Variants in DDA1 observed in about 807,000 individuals in gnomAD.
The protein encoded by DDA1 is DET1- and DDB1-associated protein 1.
Under a neutral mutation model 18.6 loss-of-function variants are expected in DDA1, and 3 were observed. The ratio of observed to expected loss-of-function variants is 0.16; its 90% confidence interval spans 0.07 to 0.42. The LOEUF is 0.42. DDA1 is among the 10% of genes least tolerant of loss of function. The pLI is 0.99. For missense variants in DDA1, 105 were observed against 138.2 expected (o/e 0.76, Z 1.20); for synonymous variants, 52 against 54.0 (o/e 0.96, Z 0.17).
At chr19:17,315,412 G>T (rs2074207221) in intron 3 of DDA1, among the ~76,000 whole-genome samples, 1 of 65,652 alleles carries the variant, frequency 1.5e-5, no homozygotes, top group African/African-American at 8.7e-5. Flanking sequence ...ATACATACGT[G>T]TGTGTGTGTG....
At position 17,322,918 on chromosome 19, in the gene DDA1, T is replaced by C. The variant is rs927353436; in HGVS notation, c.*3262T>C. ...TCTTGCAAACCACCGCGCTGTCCTC[T>C]TTGAGAAGGAGTCTTACTCAGGACT... On this transcript the variant is annotated 3_prime_UTR_variant, in exon 5 of 5. Coordinates refer to ENST00000359866, the MANE Select transcript of DDA1 (RefSeq NM_024050.6). 2 of 152,256 alleles carry C rather than the reference T, an allele frequency of 1.3e-5. No individual in the cohort carries two copies. Among genetic ancestry groups the C allele is most frequent in the Non-Finnish European group, 2.9e-5 (2 of 68,054 alleles). The allele number at this position is 152,256 out of a possible 1,614,324, so 9.4% of individuals were successfully genotyped here. A position where few individuals can be genotyped will look rare whatever the true frequency, so the allele number is the denominator to read the frequency against.
In DDA1 at chr19:17,314,182, G is replaced by T; in HGVS notation, c.84+79G>T. The T allele has an allele frequency of 6.4e-7, 1 of 1,572,948 alleles. No homozygotes were observed. Reference sequence around the variant, plus strand: ...GGGCAGCTTGTGTCCCCCGATTGGGGTCTTGGCTGGAACAGAGGCTGATCT... The same window carrying T: ...GGGCAGCTTGTGTCCCCCGATTGGGTTCTTGGCTGGAACAGAGGCTGATCT... On this transcript the variant is annotated intron_variant, in intron 2 of 4. Transcript: ENST00000359866. This position sits in a 1 kb window ranked among gnomAD's most constrained non-coding sequence, Gnocchi z 4.6.
intron 1 of DDA1, among the ~76,000 whole-genome samples, chr19:17,311,204 C>T (rs1473524646): frequency 3.3e-5 from 5 of 150,190 alleles, no homozygotes; most frequent in East Asian, 2.0e-4. Context: ...CTTGCTCTGT[C>T]GCCCAGGCTG....
intron 1 of DDA1, among the ~76,000 whole-genome samples, chr19:17,313,463 G>C (rs2074188389): frequency 9.5e-6 from 1 of 105,812 alleles, no homozygotes; most frequent in Admixed American, 1.2e-4. Context: ...TTTTTTTTGA[G>C]ACAGAGTCTG....
chr19:17,314,206 C>T lies in DDA1; in HGVS notation c.84+103C>T, dbSNP rs1051333090. 1.9e-6 allele frequency: 3 copies of T among 1,558,846 alleles called. No homozygotes were observed. In the Admixed American group the frequency reaches 5.0e-5, roughly 26 times the overall value. On this transcript the variant is annotated intron_variant, in intron 2 of 4. Transcript: ENST00000359866. This position sits in a 1 kb window ranked among gnomAD's most constrained non-coding sequence, Gnocchi z 4.6. ...GGTCTTGGCTGGAACAGAGGCTGATCTTCAAGCCCAGCCCCATCCACATAC... is the reference window on the plus strand; with the variant it reads ...GGTCTTGGCTGGAACAGAGGCTGATTTTCAAGCCCAGCCCCATCCACATAC...
At chr19:17,311,501 C>G (rs2074178943) in intron 1 of DDA1, among the ~76,000 whole-genome samples, 1 of 152,162 alleles carries the variant, frequency 6.6e-6, no homozygotes, top group African/African-American at 2.4e-5. Flanking sequence ...ACTTTCTAGC[C>G]TATAAAATGC....
rs1456732724 is a variant in DDA1 at position 17,319,978 on chromosome 19, C to T, written c.*322C>T. On this transcript the variant is annotated 3_prime_UTR_variant, in exon 5 of 5. Transcript: ENST00000359866. Reference sequence around the variant, plus strand: ...AGTTCCCCGATTCCTGCCCCCAGTTCTCCAGAGAACCAGAGTGTGTCTGTG... The same window carrying T: ...AGTTCCCCGATTCCTGCCCCCAGTTTTCCAGAGAACCAGAGTGTGTCTGTG... 3.5e-6 allele frequency: 1 copy of T among 282,754 alleles called. No homozygotes were observed. Among genetic ancestry groups the T allele is most frequent in the Admixed American group, 5.1e-5 (1 of 19,640 alleles). 17.5% of individuals were successfully genotyped at this position (282,754 alleles called of 1,614,324 possible).
chr19:17,311,402 G>A (rs2074178329), intron 1 of DDA1, among the ~76,000 whole-genome samples: 3 of 152,036 alleles, frequency 2.0e-5, no homozygotes, highest in African/African-American at 4.8e-5. Context: ...TGATCCACCC[G>A]CTTCGGACTC....
At chr19:17,315,321 ATATATATACACACG>A (rs2074205198) in intron 3 of DDA1, among the ~76,000 whole-genome samples, 1 of 35,478 alleles carries the variant, frequency 2.8e-5, no homozygotes, top group African/African-American at 2.3e-4. Context: ...TATACACGCT[ATATATATACACACG>A]TATATATATA....
chr19:17,313,336 G>A (rs986326936), intron 1 of DDA1, among the ~76,000 whole-genome samples: 5 of 151,818 alleles, frequency 3.3e-5, no homozygotes, highest in African/African-American at 1.2e-4. Flanking sequence ...AGCTCAGGAG[G>A]GCCCCGTTCA....
intron 4 of DDA1, among the ~76,000 whole-genome samples, chr19:17,317,393 T>C (rs2074218973): frequency 6.6e-6 from 1 of 151,954 alleles, no homozygotes; most frequent in Non-Finnish European, 1.5e-5. Context: ...GGCGGGTGCC[T>C]GTAGTCCCAG....
chr19:17,312,187 C>T (rs927431480), intron 1 of DDA1, among the ~76,000 whole-genome samples: 3 of 152,148 alleles, frequency 2.0e-5, no homozygotes, highest in Non-Finnish European at 4.4e-5. Flanking sequence ...GGATTGAGAG[C>T]AGAATGCCCG....
At chr19:17,317,684 A>AC (rs1246047520) in intron 4 of DDA1, among the ~76,000 whole-genome samples, 1 of 151,382 alleles carries the variant, frequency 6.6e-6, no homozygotes, top group Non-Finnish European at 1.5e-5. Flanking sequence ...AAAAAAAAAA[A>AC]AAAACAAATT....
At position 17,320,428 on chromosome 19, in the gene DDA1, C is replaced by T. The variant is rs2074234647; in HGVS notation, c.*772C>T. The T allele has an allele frequency of 6.6e-6, 1 of 152,440 alleles. No homozygotes were observed. Among genetic ancestry groups the T allele is most frequent in the Non-Finnish European group, 1.5e-5 (1 of 68,148 alleles). 9.4% of individuals were successfully genotyped at this position (152,440 alleles called of 1,614,324 possible). ...AGGACCGGCTGGATTCTCTCGTGGG[C>T]TTGCTGAGGCCACCATGTTCAAGGC... On this transcript the variant is annotated 3_prime_UTR_variant, in exon 5 of 5. Coordinates refer to ENST00000359866, the MANE Select transcript of DDA1 (RefSeq NM_024050.6).
At chr19:17,309,696 G>T (rs1193004493) in intron 1 of DDA1, 39 bp downstream of exon 1, 4 of 1,607,128 alleles carry the variant, frequency 2.5e-6, no homozygotes, top group Non-Finnish European at 3.4e-6. Context: ...CCCTCTGCTA[G>T]ACAAAATGGC....
In DDA1 at chr19:17,315,264, C is replaced by T. The variant is rs8113102; in HGVS notation, c.137-670C>T. Among the ~76,000 whole-genome samples the T allele has an allele frequency of 3.0e-3, 185 of 61,566 alleles. 56 individuals carry two copies. The highest frequency in any genetic ancestry group is 4.3e-3 in the Non-Finnish European group (122 of 28,536). The allele number at this position is 61,566 out of a possible 152,430, so 40.4% of individuals were successfully genotyped here. ...GTGTATATACACACACGTGTATATA[C>T]ACACACGTGTATATACACACACTAT... On this transcript the variant is annotated intron_variant, in intron 3 of 4. Coordinates refer to ENST00000359866, the MANE Select transcript of DDA1 (RefSeq NM_024050.6).
chr19:17,315,341 A>G (rs1306502045), intron 3 of DDA1, among the ~76,000 whole-genome samples: 1 of 90,898 alleles, frequency 1.1e-5, no homozygotes, highest in African/African-American at 4.2e-5. Flanking sequence ...ACACGTATAT[A>G]TATACACGCT....
Position 17,315,183 on chromosome 19 carries a change from G to GTATACACACACGTA in DDA1, c.137-738_137-737insATATACACACACGT, listed in dbSNP as rs2074199419. Among the ~76,000 whole-genome samples the GTATACACACACGTA allele has an allele frequency of 8.3e-5, 2 of 24,194 alleles. 1 individual carries two copies. The highest frequency in any genetic ancestry group is 8.9e-4 in the African/African-American group (2 of 2,248). 15.9% of individuals were successfully genotyped at this position (24,194 alleles called of 152,430 possible). On this transcript the variant is annotated intron_variant, in intron 3 of 4. Coordinates refer to ENST00000359866, the MANE Select transcript of DDA1 (RefSeq NM_024050.6). ...TACACACGTGTATATACACACACGT[G>GTATACACACACGTA]TATACACACACGTGTATACACACGT... is the stretch of plus-strand genomic sequence containing the variant.
chr19:17,319,433 G>A (rs1344192805), intron 4 of DDA1, 113 bp from the exon 5 acceptor site: 1 of 779,134 alleles, frequency 1.3e-6, no homozygotes, highest in Non-Finnish European at 2.1e-6. Context: ...GGTGGTATGT[G>A]CCTGTAGTCC....
Sources: gnomAD v4.1 joint callset for allele counts (sites outside exome capture counted in the v4.1 genomes callset) on GRCh38, gnomAD v4.1.1 for gene constraint, Gnocchi (gnomAD v3.1) non-coding constraint, MANE v1.5 for transcripts, NCBI Gene and HGNC (gene_info 2026-07-23, HGNC 2026-07-21) for gene names.